Variants in SPECC1 observed in about 807,000 individuals in gnomAD.
SPECC1 encodes the protein cytospin-B.
In SPECC1, 62 loss-of-function variants were observed where a neutral mutation model predicts 104.1. The observed-to-expected ratio is 0.60, with a 90% CI of 0.49 to 0.74. The LOEUF is 0.74. SPECC1 is among the 30% of genes least tolerant of loss of function. SPECC1 has a pLI of 0.00. For missense variants in SPECC1, 1,306 were observed against 1,310.5 expected (o/e 1.00, Z 0.05); for synonymous variants, 513 against 501.6 (o/e 1.02, Z -0.30).
chr17:20,023,414 C>T (rs980225994), intron 1 of SPECC1, among the ~76,000 whole-genome samples: 1 of 152,012 alleles, frequency 6.6e-6, no homozygotes, highest in African/African-American at 2.4e-5. Context: ...ATGGACAAGA[C>T]ACAAATCCAG....
At chr17:20,274,163 A>G (rs545353757) in intron 12 of SPECC1, among the ~76,000 whole-genome samples, 53 of 152,226 alleles carry the variant, frequency 3.5e-4, no homozygotes, top group African/African-American at 1.2e-3. Flanking sequence ...ATGGATGGCT[A>G]TTTATTTCAG....
At position 20,066,911 on chromosome 17, in the gene SPECC1, A is replaced by ATT. The variant is rs371289652; in HGVS notation, c.-21-29701_-21-29700dup. 4.9e-3 allele frequency among the ~76,000 whole-genome samples: 594 copies of ATT among 120,084 alleles called. 9 individuals carry two copies. The highest frequency in any genetic ancestry group is 6.8e-3 in the Non-Finnish European group (400 of 58,562). 78.8% of individuals were successfully genotyped at this position (120,084 alleles called of 152,430 possible). On this transcript the variant is annotated intron_variant, in intron 1 of 14. Transcript: ENST00000395527. ...CATACCACCACACCTGGCTAATCAA[A>ATT]TTTTTTTTTTTTTTTTTTTTGGTAG...
chr17:20,209,383 C>T (rs2036988823), intron 4 of SPECC1, among the ~76,000 whole-genome samples: 1 of 152,104 alleles, frequency 6.6e-6, no homozygotes, highest in Non-Finnish European at 1.5e-5. Context: ...CTAATAGATT[C>T]CGTAAATCTA....
intron 1 of SPECC1, among the ~76,000 whole-genome samples, chr17:20,058,679 T>C (rs566693384): frequency 6.6e-6 from 1 of 152,094 alleles, no homozygotes; most frequent in East Asian, 1.9e-4. Context: ...TTTATTCATT[T>C]TTTAGCATTG....
chr17:20,019,407 G>A (rs184348129), intron 1 of SPECC1, among the ~76,000 whole-genome samples: 1 of 151,694 alleles, frequency 6.6e-6, no homozygotes, highest in African/African-American at 2.4e-5. Flanking sequence ...CTTCTCTGAA[G>A]AGAGAACACA....
intron 3 of SPECC1, among the ~76,000 whole-genome samples, chr17:20,193,901 C>T (rs865781739): frequency 1.3e-5 from 2 of 152,140 alleles, no homozygotes; most frequent in African/African-American, 2.4e-5. Flanking sequence ...GAGCAGCAGT[C>T]AGAGATCACT....
chr17:20,090,612 C>G (rs1454209889), intron 1 of SPECC1, among the ~76,000 whole-genome samples: 1 of 149,402 alleles, frequency 6.7e-6, no homozygotes, highest in Non-Finnish European at 1.5e-5. Flanking sequence ...AAAAAGGGCT[C>G]TTATTTTATT....
At chr17:20,064,302 G>C (rs1338390792) in intron 1 of SPECC1, among the ~76,000 whole-genome samples, 1 of 152,210 alleles carries the variant, frequency 6.6e-6, no homozygotes, top group Non-Finnish European at 1.5e-5. Context: ...ACACCACCAA[G>C]TGTGATGAAA....
chr17:20,086,047 T>C (rs556303236), intron 1 of SPECC1, among the ~76,000 whole-genome samples: 1 of 151,520 alleles, frequency 6.6e-6, no homozygotes, highest in South Asian at 2.1e-4. Context: ...TCTCTCTCCC[T>C]TCTCTACCTG....
intron 9 of SPECC1, among the ~76,000 whole-genome samples, chr17:20,247,695 C>T (rs2039476860): frequency 6.6e-6 from 1 of 152,078 alleles, no homozygotes. Context: ...TTTATTTAGC[C>T]ACTGTTCTAC....
chr17:20,303,314 A>G (rs576327058), intron 13 of SPECC1, among the ~76,000 whole-genome samples: 1 of 152,318 alleles, frequency 6.6e-6, no homozygotes, highest in African/African-American at 2.4e-5. Context: ...CTCTCAGCAG[A>G]ACAGAGTAGT....
chr17:20,214,379 TTTAAGAG>T (rs1324684076), intron 4 of SPECC1, among the ~76,000 whole-genome samples: 1 of 152,218 alleles, frequency 6.6e-6, no homozygotes, highest in Non-Finnish European at 1.5e-5. Flanking sequence ...TCGGAGGAAT[TTTAAGAG>T]TTATGGAATC....
intron 12 of SPECC1, among the ~76,000 whole-genome samples, chr17:20,286,045 C>CT (rs2040934004): frequency 6.6e-6 from 1 of 152,146 alleles, no homozygotes; most frequent in African/African-American, 2.4e-5. Context: ...AGCTCTTGGG[C>CT]TTAAGCACCT....
At chr17:20,120,169 C>T (rs2048960233) in intron 3 of SPECC1, among the ~76,000 whole-genome samples, 1 of 152,172 alleles carries the variant, frequency 6.6e-6, no homozygotes, top group Non-Finnish European at 1.5e-5. Flanking sequence ...AGGCGGATCA[C>T]CTGAGATATT....
At chr17:20,051,160 C>T (rs2045760150) in intron 1 of SPECC1, among the ~76,000 whole-genome samples, 1 of 144,488 alleles carries the variant, frequency 6.9e-6, no homozygotes, top group South Asian at 2.2e-4. Context: ...TTCTTTCCTT[C>T]TTTCCTTCTT....
At chr17:20,166,454 A>C (rs2033654685) in intron 3 of SPECC1, among the ~76,000 whole-genome samples, 1 of 152,216 alleles carries the variant, frequency 6.6e-6, no homozygotes, top group South Asian at 2.1e-4. Context: ...CATTTTAAAA[A>C]CTTATTCTAT....
In SPECC1 at chr17:20,318,981, A is replaced by T; in HGVS notation, c.*4916A>T. 5.5e-6 allele frequency: 1 copy of T among 181,236 alleles called. No individual in the cohort carries two copies. The highest frequency in any genetic ancestry group is 9.1e-5 in the East Asian group (1 of 11,018). 11.2% of individuals were successfully genotyped at this position (181,236 alleles called of 1,614,324 possible). ...TTAACTATTCATAGGAAAGTGTATGATAAATGACTGTAATATTTCTAATAA... is the reference window on the plus strand; with the variant it reads ...TTAACTATTCATAGGAAAGTGTATGTTAAATGACTGTAATATTTCTAATAA... On this transcript the variant is annotated 3_prime_UTR_variant, in exon 15 of 15. Coordinates refer to ENST00000395527, the MANE Select transcript of SPECC1 (RefSeq NM_001243439.2).
chr17:20,091,740 A>C (rs1408326840), intron 1 of SPECC1, among the ~76,000 whole-genome samples: 1 of 152,116 alleles, frequency 6.6e-6, no homozygotes, highest in African/African-American at 2.4e-5. Context: ...GTTGGTTCTC[A>C]GACTTGAATG....
chr17:20,227,271 T>C (rs565166527), intron 4 of SPECC1, 142 bp from the exon 5 acceptor site: 1 of 728,092 alleles, frequency 1.4e-6, no homozygotes, highest in Non-Finnish European at 2.3e-6. Flanking sequence ...TTCGTAATGT[T>C]TTATTTTAGA....
Sources: gnomAD v4.1 joint callset for allele counts (sites outside exome capture counted in the v4.1 genomes callset) on GRCh38, gnomAD v4.1.1 for gene constraint, MANE v1.5 for transcripts, NCBI Gene and HGNC (gene_info 2026-07-23, HGNC 2026-07-21) for gene names.